PARD3B: variants seen among roughly 807,000 people sequenced by gnomAD.
PARD3B encodes the protein par-3 family cell polarity regulator beta.
Under a neutral mutation model 130.2 loss-of-function variants are expected in PARD3B, and 103 were observed. The ratio of observed to expected loss-of-function variants is 0.79; its 90% CI spans 0.67 to 0.93. PARD3B has a LOEUF of 0.93. PARD3B is among the 40% of genes least tolerant of loss of function. The pLI, the probability that PARD3B is intolerant of heterozygous loss-of-function variation, is 0.00. For synonymous variants in PARD3B, 583 were observed against 553.2 expected (o/e 1.05, Z -0.76); for missense variants, 1,609 against 1,499.2 (o/e 1.07, Z -1.21).
chr2:204,617,440 A>T (rs561187079), intron 1 of PARD3B, among the ~76,000 whole-genome samples: 2 of 152,308 alleles, frequency 1.3e-5, no homozygotes, highest in African/African-American at 4.8e-5. Flanking sequence ...AGGGCAGACT[A>T]GGTCTTTTTG....
rs2048455272 is a variant in PARD3B, at chr2:205,461,542, T to C, written c.3044+20870T>C. ...TGTCCAGGGACATGCACCCTCTACC[T>C]CCCAGAGACCTAACCTATTTCCCTA... is the stretch of plus-strand genomic sequence containing the variant. On this transcript the variant is annotated intron_variant, in intron 20 of 22. Transcript: ENST00000406610. The surrounding 1 kb of genome is among the most constrained non-coding windows in gnomAD (Gnocchi z 4.3). Among the ~76,000 whole-genome samples the C allele has an allele frequency of 6.6e-6, 1 of 152,166 alleles. No homozygotes were observed. Among genetic ancestry groups the C allele is most frequent in the Admixed American group, 6.5e-5 (1 of 15,278 alleles).
At chr2:204,718,613 C>T (rs143476684) in intron 2 of PARD3B, among the ~76,000 whole-genome samples, 4 of 152,284 alleles carry the variant, frequency 2.6e-5, no homozygotes, top group African/African-American at 9.6e-5. Context: ...AGAGCCAAAC[C>T]ATGTCACTGA....
intron 10 of PARD3B, among the ~76,000 whole-genome samples, chr2:205,153,730 G>A (rs942588687): frequency 6.6e-6 from 1 of 152,106 alleles, no homozygotes; most frequent in Non-Finnish European, 1.5e-5. Flanking sequence ...AGAGCCCTCA[G>A]AAATAATACC....
In PARD3B at chr2:205,591,463, A is replaced by C. The variant is rs1219739075; in HGVS notation, c.3261-23993A>C. ...CCTACCATTATCAGTCACTTACCAC[A>C]CCCATGCACCATGCTGAGTGCTTTA... On this transcript the variant is annotated intron_variant, in intron 22 of 22. Coordinates refer to ENST00000406610, the MANE Select transcript of PARD3B (RefSeq NM_001302769.2). This position sits in a 1 kb window ranked among gnomAD's most constrained non-coding sequence, Gnocchi z 4.2. Among the ~76,000 whole-genome samples the C allele has an allele frequency of 6.6e-6, 1 of 152,166 alleles. No homozygotes were observed. Among genetic ancestry groups the C allele is most frequent in the Non-Finnish European group, 1.5e-5 (1 of 68,028 alleles).
At chr2:205,319,610 T>G (rs1052242443) in intron 18 of PARD3B, among the ~76,000 whole-genome samples, 1 of 152,140 alleles carries the variant, frequency 6.6e-6, no homozygotes, top group Non-Finnish European at 1.5e-5. Flanking sequence ...TTCCTCGCCA[T>G]TTTTCATCCT....
chr2:205,371,943 A>G (rs2044834451), intron 18 of PARD3B, among the ~76,000 whole-genome samples: 1 of 152,130 alleles, frequency 6.6e-6, no homozygotes, highest in Non-Finnish European at 1.5e-5. Context: ...TTCACTTAGC[A>G]TAGTGTTGTC....
chr2:205,123,366 C>G (rs188996134), intron 8 of PARD3B, among the ~76,000 whole-genome samples: 1 of 152,096 alleles, frequency 6.6e-6, no homozygotes, highest in Admixed American at 6.5e-5. Flanking sequence ...GAGGGAGGTA[C>G]ATAGTGAAGT....
rs1243064955 is a variant in PARD3B at position 204,675,331 on chromosome 2, A to T, written c.121-10850A>T. On this transcript the variant is annotated intron_variant, in intron 1 of 22. Transcript: ENST00000406610. The surrounding 1 kb of genome is among the most constrained non-coding windows in gnomAD (Gnocchi z 4.4). The stretch of plus-strand genomic sequence containing the variant: ...ATCAATTATGCATTAAATATCTTTA[A>T]TTTTTTTTAATTTCAGACTTTTAAC... Among the ~76,000 whole-genome samples, 2 of 151,802 alleles carry T rather than the reference A, an allele frequency of 1.3e-5. No homozygotes were observed. Among genetic ancestry groups the T allele is most frequent in the Non-Finnish European group, 2.9e-5 (2 of 67,906 alleles).
chr2:204,704,747 A>AT (rs1401577070), intron 2 of PARD3B, among the ~76,000 whole-genome samples: 5 of 151,966 alleles, frequency 3.3e-5, no homozygotes, highest in Non-Finnish European at 5.9e-5. Context: ...GGGGCCACTA[A>AT]TTTTTTTCCT....
chr2:205,318,231 T>C (rs2042627229), intron 18 of PARD3B, among the ~76,000 whole-genome samples: 1 of 152,192 alleles, frequency 6.6e-6, no homozygotes, highest in Non-Finnish European at 1.5e-5. Flanking sequence ...ATCATAGATT[T>C]GTTCTGCTTT....
At chr2:204,828,195 A>G (rs981141177) in intron 2 of PARD3B, among the ~76,000 whole-genome samples, 2 of 152,132 alleles carry the variant, frequency 1.3e-5, no homozygotes, top group East Asian at 1.9e-4. Flanking sequence ...CTAAGCAGCA[A>G]TTGCTATTGT....
intron 3 of PARD3B, among the ~76,000 whole-genome samples, chr2:204,966,102 C>T (rs1344130087): frequency 2.6e-5 from 4 of 152,154 alleles, no homozygotes; most frequent in African/African-American, 9.7e-5. Flanking sequence ...AGGCTTATTC[C>T]ACTTTGCAAA....
At chr2:205,588,499 G>A (rs1463388686) in intron 22 of PARD3B, among the ~76,000 whole-genome samples, 1 of 151,460 alleles carries the variant, frequency 6.6e-6, no homozygotes, top group East Asian at 1.9e-4. Flanking sequence ...TTTTTTTCAA[G>A]TGTGAGATTT....
intron 15 of PARD3B, among the ~76,000 whole-genome samples, chr2:205,200,972 G>T (rs185001077): frequency 2.9e-4 from 44 of 152,256 alleles, no homozygotes; most frequent in Admixed American, 1.3e-3. Context: ...AGCTAGTTCT[G>T]TGTTTTCAGA....
chr2:204,759,053 G>C (rs2040792155), intron 2 of PARD3B, among the ~76,000 whole-genome samples: 1 of 152,106 alleles, frequency 6.6e-6, no homozygotes, highest in African/African-American at 2.4e-5. Context: ...CTCAGTCAGA[G>C]CAGATGCCTT....
At chr2:205,552,483 A>C (rs1243850338) in intron 21 of PARD3B, among the ~76,000 whole-genome samples, 1 of 152,176 alleles carries the variant, frequency 6.6e-6, no homozygotes, top group Non-Finnish European at 1.5e-5. Context: ...ATGTGGGCTC[A>C]CTGCAACCTC....
At chr2:204,844,567 C>G (rs2044388513) in intron 2 of PARD3B, among the ~76,000 whole-genome samples, 1 of 152,198 alleles carries the variant, frequency 6.6e-6, no homozygotes, top group Non-Finnish European at 1.5e-5. Flanking sequence ...AGTTTTGGTA[C>G]TAACGTGTGA....
chr2:205,199,363 G>A (rs2036862542), intron 15 of PARD3B, among the ~76,000 whole-genome samples: 1 of 152,220 alleles, frequency 6.6e-6, no homozygotes, highest in East Asian at 1.9e-4. Context: ...TCATGTGGCT[G>A]CCTCAAGAAC....
At position 204,789,113 on chromosome 2, in the gene PARD3B, G is replaced by A. The variant is rs532918540; in HGVS notation, c.222+102831G>A. Among the ~76,000 whole-genome samples the A allele has an allele frequency of 2.0e-5, 3 of 152,212 alleles. No homozygotes were observed. The East Asian group carries it at 5.8e-4, about 29-fold the overall frequency. Reference sequence around the variant, plus strand: ...TCTCTGTCATCCAGGCTGGAGTGAAGTGGTGCAATCATAGCTCACTGCAGC... The same window carrying A: ...TCTCTGTCATCCAGGCTGGAGTGAAATGGTGCAATCATAGCTCACTGCAGC... On this transcript the variant is annotated intron_variant, in intron 2 of 22. Coordinates refer to ENST00000406610, the MANE Select transcript of PARD3B (RefSeq NM_001302769.2).
Sources: allele counts gnomAD v4.1 joint callset (sites outside exome capture counted in the v4.1 genomes callset), GRCh38; gene constraint gnomAD v4.1.1; non-coding constraint Gnocchi (gnomAD v3.1); transcripts MANE v1.5; gene names NCBI Gene and HGNC (gene_info 2026-07-23, HGNC 2026-07-21).